TBX20: variants seen among roughly 807,000 people sequenced by gnomAD.
The protein encoded by TBX20 is T-box transcription factor 20.
Under a neutral mutation model 42.9 loss-of-function variants are expected in TBX20, and 8 were observed. The observed-to-expected ratio is 0.19, with a 90% CI of 0.11 to 0.34. The LOEUF is 0.34. Among genes scored for constraint, TBX20 ranks in the 10% least tolerant of loss-of-function variants. The probability of loss-of-function intolerance (pLI) is 1.00; values close to 1 mark genes in which losing one functional copy is unlikely to be tolerated. For missense variants in TBX20, 411 were observed against 566.0 expected (o/e 0.73, Z 2.78); for synonymous variants, 198 against 222.8 (o/e 0.89, Z 0.99).
intron 1 of TBX20, among the ~76,000 whole-genome samples, chr7:35,250,928 G>A (rs189233113): frequency 6.6e-6 from 1 of 152,302 alleles, no homozygotes; most frequent in Non-Finnish European, 1.5e-5. Context: ...TTTCAGAAGA[G>A]GCTTAGAACA....
Position 35,249,861 on chromosome 7 carries a change from G to A in TBX20, c.380+90C>T. 7.0e-7 allele frequency: 1 copy of A among 1,428,704 alleles called. No homozygotes were observed. The highest frequency in any genetic ancestry group is 1.4e-5 in the South Asian group (1 of 73,382). 88.5% of individuals were successfully genotyped at this position (1,428,704 alleles called of 1,614,324 possible). A position where few individuals can be genotyped will look rare whatever the true frequency, so the allele number is the denominator to read the frequency against. ...TGTCTCTCCGCTCCATGACCAGCCA[G>A]CTCTCATCTAGTTCCTGGAAGCACC... On this transcript the variant is annotated intron_variant, in intron 2 of 7. Coordinates refer to ENST00000408931, the MANE Select transcript of TBX20 (RefSeq NM_001077653.2). The surrounding 1 kb of genome is among the most constrained non-coding windows in gnomAD (Gnocchi z 4.3).
intron 6 of TBX20, among the ~76,000 whole-genome samples, chr7:35,227,026 G>A (rs368365306): frequency 1.3e-5 from 2 of 150,940 alleles, no homozygotes; most frequent in East Asian, 3.9e-4. Context: ...CCTGACCCAG[G>A]GTAGGCCTGA....
intron 6 of TBX20, among the ~76,000 whole-genome samples, chr7:35,209,861 T>C (rs926520827): frequency 6.6e-6 from 1 of 152,166 alleles, no homozygotes; most frequent in African/African-American, 2.4e-5. Flanking sequence ...TTCATTTTTA[T>C]TCAGTTCAAA....
intron 6 of TBX20, among the ~76,000 whole-genome samples, chr7:35,212,179 T>A (rs1050712424): frequency 9.9e-5 from 15 of 152,200 alleles, no homozygotes; most frequent in African/African-American, 2.7e-4. Flanking sequence ...TTCACTAATC[T>A]TTTCATCTGC....
intron 6 of TBX20, among the ~76,000 whole-genome samples, chr7:35,207,888 A>G (rs1417310505): frequency 1.3e-5 from 2 of 152,054 alleles, no homozygotes; most frequent in Non-Finnish European, 2.9e-5. Context: ...TTAGTACTCT[A>G]TCTTTTTTTT....
intron 7 of TBX20, 71 bp downstream of exon 7, chr7:35,204,399 A>T (rs1397109032): frequency 9.8e-7 from 1 of 1,021,406 alleles, no homozygotes; most frequent in Non-Finnish European, 1.5e-6. Context: ...CCATCTCATC[A>T]ACGACCTGCC....
intron 6 of TBX20, among the ~76,000 whole-genome samples, chr7:35,215,781 C>T (rs2532144): frequency 0.41 from 61,746 of 151,596 alleles, 13,723 homozygotes; most frequent in Middle Eastern, 0.54. Context: ...GACACAATCA[C>T]GGCCAGAAAA....
chr7:35,215,255 G>A (rs1789564223), intron 6 of TBX20, among the ~76,000 whole-genome samples: 1 of 152,200 alleles, frequency 6.6e-6, no homozygotes, highest in African/African-American at 2.4e-5. Context: ...GAAAGCAATG[G>A]CAGTTCTTAT....
intron 6 of TBX20, among the ~76,000 whole-genome samples, chr7:35,217,355 G>A (rs1789608227): frequency 6.6e-6 from 1 of 152,108 alleles, no homozygotes; most frequent in Non-Finnish European, 1.5e-5. Flanking sequence ...ACTCAGCTTA[G>A]AAATAAACAT....
intron 6 of TBX20, among the ~76,000 whole-genome samples, chr7:35,220,889 G>A (rs1191422345): frequency 1.3e-5 from 2 of 152,116 alleles, no homozygotes; most frequent in Admixed American, 6.6e-5. Flanking sequence ...AATAAAATAG[G>A]GACTAGTAGC....
At chr7:35,214,913 C>A (rs1044030338) in intron 6 of TBX20, among the ~76,000 whole-genome samples, 2 of 152,108 alleles carry the variant, frequency 1.3e-5, no homozygotes, top group Admixed American at 6.5e-5. Context: ...GGCCCAAATT[C>A]TGGATGGTGT....
chr7:35,234,535 C>T (rs1789926500), intron 5 of TBX20, among the ~76,000 whole-genome samples: 2 of 152,214 alleles, frequency 1.3e-5, no homozygotes, highest in African/African-American at 2.4e-5. Flanking sequence ...GAATTATCTA[C>T]TGCTAATATC....
chr7:35,250,725 T>C (rs1231316492), intron 1 of TBX20, among the ~76,000 whole-genome samples: 1 of 152,168 alleles, frequency 6.6e-6, no homozygotes, highest in Non-Finnish European at 1.5e-5. Context: ...GAAAGGAGGA[T>C]AGGAGGGTAA....
In TBX20 at chr7:35,249,857, G is replaced by A; in HGVS notation, c.380+94C>T. ...AAGCTGTCTCTCCGCTCCATGACCAGCCAGCTCTCATCTAGTTCCTGGAAG... is the reference window on the plus strand; with the variant it reads ...AAGCTGTCTCTCCGCTCCATGACCAACCAGCTCTCATCTAGTTCCTGGAAG... On this transcript the variant is annotated intron_variant, in intron 2 of 7. Coordinates refer to ENST00000408931, the MANE Select transcript of TBX20 (RefSeq NM_001077653.2). The surrounding 1 kb of genome is among the most constrained non-coding windows in gnomAD (Gnocchi z 4.3). The A allele has an allele frequency of 7.1e-7, 1 of 1,409,506 alleles. No homozygotes were observed. The highest frequency in any genetic ancestry group is 9.7e-7 in the Non-Finnish European group (1 of 1,036,156). The allele number at this position is 1,409,506 out of a possible 1,614,324, so 87.3% of individuals were successfully genotyped here.
chr7:35,209,129 T>A (rs1052129501), intron 6 of TBX20, among the ~76,000 whole-genome samples: 1 of 152,124 alleles, frequency 6.6e-6, no homozygotes, highest in Non-Finnish European at 1.5e-5. Context: ...CTGTTTAGAA[T>A]TTTTCCATGT....
chr7:35,241,561 A>ATTCCTAGT (rs1790082386), intron 4 of TBX20, among the ~76,000 whole-genome samples: 1 of 152,214 alleles, frequency 6.6e-6, no homozygotes, highest in South Asian at 2.1e-4. Context: ...CATCTCCCCA[A>ATTCCTAGT]TTCCTAGTTT....
intron 4 of TBX20, among the ~76,000 whole-genome samples, chr7:35,243,826 T>G (rs1366183179): frequency 1.3e-5 from 2 of 151,910 alleles, no homozygotes; most frequent in Admixed American, 6.6e-5. Flanking sequence ...ACCAGTAGAG[T>G]CGTGAGTTAA....
At chr7:35,253,442 C>T (rs1266307726) in intron 1 of TBX20, 52 bp downstream of exon 1, 1 of 1,577,434 alleles carries the variant, frequency 6.3e-7, no homozygotes, top group Non-Finnish European at 8.6e-7. Flanking sequence ...GGGGCACAGA[C>T]GGATGCGCAG....
In TBX20 at chr7:35,249,540, T is replaced by G. The variant is rs1790263515; in HGVS notation, c.380+411A>C. 6.6e-6 allele frequency among the ~76,000 whole-genome samples: 1 copy of G among 152,194 alleles called. No homozygotes were observed. The highest frequency in any genetic ancestry group is 2.4e-5 in the African/African-American group (1 of 41,448). Reference sequence around the variant, plus strand: ...AATGGGAGCTGGCAGCTTTTGCAAATTGAGGCTGATAAAAGGGAAGCTACT... The same window carrying G: ...AATGGGAGCTGGCAGCTTTTGCAAAGTGAGGCTGATAAAAGGGAAGCTACT... On this transcript the variant is annotated intron_variant, in intron 2 of 7. Transcript: ENST00000408931. This position sits in a 1 kb window ranked among gnomAD's most constrained non-coding sequence, Gnocchi z 4.3.
Sources: allele counts gnomAD v4.1 joint callset (sites outside exome capture counted in the v4.1 genomes callset), GRCh38; gene constraint gnomAD v4.1.1; non-coding constraint Gnocchi (gnomAD v3.1); transcripts MANE v1.5; gene names NCBI Gene and HGNC (gene_info 2026-07-23, HGNC 2026-07-21).